Variants in IGF2BP3 observed in about 807,000 individuals in gnomAD.
The protein encoded by IGF2BP3 is insulin like growth factor 2 mRNA binding protein 3, also known as insulin-like growth factor 2 mRNA-binding protein 3.
A neutral mutation model predicts 73.8 loss-of-function variants in IGF2BP3; 9 were observed. The ratio of observed to expected loss-of-function variants is 0.12; its 90% CI spans 0.07 to 0.21. The LOEUF (loss-of-function observed/expected upper bound fraction) is 0.21. Ranked by LOEUF, IGF2BP3 falls within the 10% of genes least tolerant of loss-of-function variation. IGF2BP3 has a pLI of 1.00. For synonymous variants in IGF2BP3, 258 were observed against 256.7 expected, an observed-to-expected ratio of 1.01 and a Z score of -0.05; for missense variants, 542 against 714.0, an observed-to-expected ratio of 0.76 and a Z score of 2.75.
At chr7:23,428,997 C>G (rs559480450) in intron 2 of IGF2BP3, among the ~76,000 whole-genome samples, 1 of 152,048 alleles carries the variant, frequency 6.6e-6, no homozygotes, top group Non-Finnish European at 1.5e-5. Flanking sequence ...TCTGTTATGA[C>G]GTGATATTCT....
At chr7:23,388,368 G>A (rs564939107) in intron 3 of IGF2BP3, among the ~76,000 whole-genome samples, 2 of 152,084 alleles carry the variant, frequency 1.3e-5, no homozygotes, top group Non-Finnish European at 2.9e-5. Context: ...GAGGGCCTAC[G>A]TATTCAACTG....
intron 10 of IGF2BP3, among the ~76,000 whole-genome samples, chr7:23,336,285 C>T (rs1562681683): frequency 6.6e-6 from 1 of 152,126 alleles, no homozygotes; most frequent in African/African-American, 2.4e-5. Context: ...TGTTAACCTA[C>T]AAGACATCAA....
At chr7:23,444,304 A>G (rs1302162452) in intron 2 of IGF2BP3, among the ~76,000 whole-genome samples, 1 of 152,178 alleles carries the variant, frequency 6.6e-6, no homozygotes, top group African/African-American at 2.4e-5. Flanking sequence ...TAATGACAAG[A>G]TGTTTAAATA....
intron 3 of IGF2BP3, chr7:23,414,877 C>T (rs564852405): frequency 7.4e-4 from 133 of 179,314 alleles, no homozygotes; most frequent in African/African-American, 3.0e-3. Context: ...GGCATCCCCA[C>T]ATCCGCAGGT....
intron 10 of IGF2BP3, among the ~76,000 whole-genome samples, chr7:23,322,404 A>T (rs1464022529): frequency 6.6e-6 from 1 of 152,222 alleles, no homozygotes. Context: ...AAAGCCTCCA[A>T]GAAATATGGG....
chr7:23,401,350 T>C (rs757114067), intron 3 of IGF2BP3, among the ~76,000 whole-genome samples: 22 of 152,152 alleles, frequency 1.4e-4, no homozygotes, highest in African/African-American at 2.9e-4. Flanking sequence ...GGCAGCATCA[T>C]GAACTGCCGG....
intron 13 of IGF2BP3, 86 bp from the exon 14 acceptor site, chr7:23,312,934 A>G (rs1402503662): frequency 1.1e-5 from 8 of 733,230 alleles, no homozygotes; most frequent in Non-Finnish European, 1.8e-5. Flanking sequence ...ACAGTGAGCT[A>G]TGTATGGCTT....
At chr7:23,433,864 C>G (rs1335893344) in intron 2 of IGF2BP3, among the ~76,000 whole-genome samples, 1 of 152,056 alleles carries the variant, frequency 6.6e-6, no homozygotes, top group Non-Finnish European at 1.5e-5. Flanking sequence ...CATCTGAGAT[C>G]AAGAGTTCAA....
chr7:23,448,194 A>T (rs901035626), intron 2 of IGF2BP3, among the ~76,000 whole-genome samples: 2 of 152,176 alleles, frequency 1.3e-5, no homozygotes, highest in East Asian at 3.8e-4. Flanking sequence ...TGGGGTCCTG[A>T]AATCATTATT....
intron 2 of IGF2BP3, among the ~76,000 whole-genome samples, chr7:23,422,630 C>G (rs548258311): frequency 6.6e-6 from 1 of 152,164 alleles, no homozygotes; most frequent in Non-Finnish European, 1.5e-5. Context: ...AAGGATCCCA[C>G]GGATTTTCTA....
In IGF2BP3 at chr7:23,320,947, CAAAAAAAAAA is replaced by C. The variant is rs70966008; in HGVS notation, c.1204-1703_1204-1694del. Among the ~76,000 whole-genome samples, 24 of 96,484 alleles carry C rather than the reference CAAAAAAAAAA, an allele frequency of 2.5e-4. No individual in the cohort carries two copies. The East Asian group carries it at 5.1e-3, about 20-fold the overall frequency. 63.3% of individuals were successfully genotyped at this position (96,484 alleles called of 152,430 possible). On this transcript the variant is annotated intron_variant, in intron 10 of 14. Transcript: ENST00000258729. ...CCTGGGTGAGAGTGAAACTCTGTCT[CAAAAAAAAAA>C]AAAAAAAAAAAAGAAAAAACAAAAA...
intron 1 of IGF2BP3, 137 bp from the exon 2 acceptor site, chr7:23,468,679 G>A: frequency 1.2e-6 from 1 of 822,926 alleles, no homozygotes; most frequent in East Asian, 2.4e-5. Flanking sequence ...CGCGGCTCCA[G>A]GCGGAGGGAG....
At chr7:23,327,709 G>A (rs960068118) in intron 10 of IGF2BP3, among the ~76,000 whole-genome samples, 4 of 152,092 alleles carry the variant, frequency 2.6e-5, no homozygotes, top group African/African-American at 9.7e-5. Flanking sequence ...CAGTAACACT[G>A]GGCTCTGACA....
chr7:23,396,990 C>A (rs540495553), intron 3 of IGF2BP3, among the ~76,000 whole-genome samples: 2 of 152,242 alleles, frequency 1.3e-5, no homozygotes, highest in East Asian at 3.9e-4. Context: ...TCACTTTTAT[C>A]CAAAGTCTCA....
intron 2 of IGF2BP3, among the ~76,000 whole-genome samples, chr7:23,438,233 T>C (rs928059662): frequency 9.9e-5 from 15 of 152,190 alleles, no homozygotes; most frequent in African/African-American, 3.6e-4. Flanking sequence ...AATTCTCCTG[T>C]CTCAGTCTCC....
rs181881641 is a variant in IGF2BP3 at position 23,327,450 on chromosome 7, T to C, written c.1204-8196A>G. On this transcript the variant is annotated intron_variant, in intron 10 of 14. Transcript: ENST00000258729. ...CGCCCACCATCACGCCCGGCTAATT[T>C]TTTTGTATTTTTAGTAGAGACGGGG... 2.4e-3 allele frequency among the ~76,000 whole-genome samples: 372 copies of C among 151,896 alleles called. 3 individuals are homozygous for C. Among genetic ancestry groups the C allele is most frequent in the African/African-American group, 8.5e-3 (353 of 41,454 alleles).
In IGF2BP3 at chr7:23,319,267, A is replaced by G. The variant is rs770408963; in HGVS notation, c.1204-13T>C. 24 of 1,552,354 alleles carry G rather than the reference A, an allele frequency of 1.5e-5. No individual in the cohort carries two copies. The South Asian group carries it at 2.6e-4, about 17-fold the overall frequency. On this transcript the variant is annotated splice_polypyrimidine_tract_variant and intron_variant, in intron 10 of 14. Transcript: ENST00000258729. Reference sequence around the variant, plus strand: ...CCGTTTCTGATTGCTGTTAGAAAAGAAAGCCAGGACACCCATGTTTATTTG... The same window carrying G: ...CCGTTTCTGATTGCTGTTAGAAAAGGAAGCCAGGACACCCATGTTTATTTG...
intron 3 of IGF2BP3, among the ~76,000 whole-genome samples, chr7:23,380,798 G>A (rs1785886675): frequency 1.3e-5 from 2 of 152,358 alleles, no homozygotes; most frequent in Admixed American, 1.3e-4. Flanking sequence ...CTGGGATGAT[G>A]CAGCTACAAG....
At chr7:23,425,149 T>A (rs1347650971) in intron 2 of IGF2BP3, among the ~76,000 whole-genome samples, 1 of 152,262 alleles carries the variant, frequency 6.6e-6, no homozygotes, top group Non-Finnish European at 1.5e-5. Context: ...TCTTTTTACA[T>A]GAGGTTTGTT....
Sources: allele counts gnomAD v4.1 joint callset (sites outside exome capture counted in the v4.1 genomes callset), GRCh38; gene constraint gnomAD v4.1.1; transcripts MANE v1.5; gene names NCBI Gene and HGNC (gene_info 2026-07-23, HGNC 2026-07-21).